The following LSAMP variants were observed in gnomAD, a reference collection of about 807,000 sequenced individuals.
The protein encoded by LSAMP is limbic system associated membrane protein, also known as limbic system-associated membrane protein.
Under a neutral mutation model 38.6 loss-of-function variants are expected in LSAMP, and 7 were observed. The observed-to-expected ratio is 0.18, with a 90% CI of 0.10 to 0.34. The LOEUF (loss-of-function observed/expected upper bound fraction) is 0.34. Ranked by LOEUF, LSAMP falls within the 10% of genes least tolerant of loss-of-function variation. The probability of loss-of-function intolerance (pLI) is 1.00; values close to 1 mark genes in which losing one functional copy is unlikely to be tolerated. For missense variants in LSAMP, 313 were observed against 420.0 expected (o/e 0.75, Z 2.23); for synonymous variants, 154 against 166.8 (o/e 0.92, Z 0.59).
At chr3:116,398,926 G>A (rs1392258116) in intron 1 of LSAMP, among the ~76,000 whole-genome samples, 1 of 152,168 alleles carries the variant, frequency 6.6e-6, no homozygotes, top group African/African-American at 2.4e-5. Context: ...TGGTGGGTTA[G>A]GGAAAGCTTT....
chr3:116,104,732 C>T (rs906341578), intron 1 of LSAMP, among the ~76,000 whole-genome samples: 1 of 152,150 alleles, frequency 6.6e-6, no homozygotes, highest in African/African-American at 2.4e-5. Context: ...TTGAGAAATG[C>T]AATTTCTCTT....
intron 1 of LSAMP, among the ~76,000 whole-genome samples, chr3:116,201,132 G>T (rs1273317665): frequency 2.0e-5 from 3 of 152,072 alleles, no homozygotes; most frequent in African/African-American, 7.2e-5. Context: ...GTCCCTCCCC[G>T]CTGTACCTCC....
At chr3:116,012,993 T>C (rs2107678358) in intron 3 of LSAMP, among the ~76,000 whole-genome samples, 1 of 152,358 alleles carries the variant, frequency 6.6e-6, no homozygotes, top group African/African-American at 2.4e-5. Flanking sequence ...TCTGTATTTC[T>C]GTTTTACTAG....
chr3:115,861,130 TTTCCTTCCTTCCTTCCTTCCTTCCTTCC>T (rs369018115), intron 3 of LSAMP, among the ~76,000 whole-genome samples: 4,450 of 64,626 alleles, frequency 0.069, 253 homozygotes, highest in African/African-American at 0.15. Context: ...TCCTTCTTTC[TTTCCTTCCTTCCTTCCTTCCTTCCTTCC>T]TTCCTTCCTT....
chr3:116,414,798 T>C (rs2049027710), intron 1 of LSAMP, among the ~76,000 whole-genome samples: 1 of 152,162 alleles, frequency 6.6e-6, no homozygotes, highest in African/African-American at 2.4e-5. Flanking sequence ...TAATTGTAAA[T>C]AATAGTGACA....
intron 1 of LSAMP, among the ~76,000 whole-genome samples, chr3:116,308,092 T>A (rs1213942743): frequency 6.6e-6 from 1 of 152,012 alleles, no homozygotes; most frequent in African/African-American, 2.4e-5. Flanking sequence ...AACAGAAACT[T>A]GCTCACGCTG....
intron 3 of LSAMP, among the ~76,000 whole-genome samples, chr3:115,993,123 T>A (rs1939719676): frequency 6.6e-6 from 1 of 152,150 alleles, no homozygotes; most frequent in African/African-American, 2.4e-5. Flanking sequence ...TGGTTAGTAT[T>A]ATTTGTAAGT....
Position 116,090,959 on chromosome 3 carries a change from G to A in LSAMP, c.156-4403C>T, listed in dbSNP as rs554138091. On this transcript the variant is annotated intron_variant, in intron 1 of 6. Coordinates refer to ENST00000490035, the MANE Select transcript of LSAMP (RefSeq NM_002338.5). The stretch of plus-strand genomic sequence containing the variant: ...CATTGATAACATCTTATCAGGAGAC[G>A]GGGTTTTGAGATCAACCGTCTGACC... 5.3e-5 allele frequency among the ~76,000 whole-genome samples: 8 copies of A among 152,228 alleles called. No homozygotes were observed. In the East Asian group the frequency reaches 7.7e-4, roughly 15 times the overall value.
intron 3 of LSAMP, among the ~76,000 whole-genome samples, chr3:116,001,193 A>T (rs556532694): frequency 1.3e-5 from 2 of 152,306 alleles, no homozygotes; most frequent in East Asian, 3.9e-4. Context: ...AAGAAAAGAA[A>T]AAAAGGAAAA....
intron 1 of LSAMP, among the ~76,000 whole-genome samples, chr3:116,389,600 T>A (rs2048666791): frequency 6.6e-6 from 1 of 152,154 alleles, no homozygotes; most frequent in African/African-American, 2.4e-5. Context: ...GATTTACTAA[T>A]GCACGGCAGG....
chr3:116,345,858 C>A (rs2048057882), intron 1 of LSAMP, among the ~76,000 whole-genome samples: 1 of 151,976 alleles, frequency 6.6e-6, no homozygotes. Flanking sequence ...AAAACCAAAA[C>A]AAATAAACAA....
chr3:116,323,174 T>C (rs1241197948), intron 1 of LSAMP, among the ~76,000 whole-genome samples: 2 of 152,152 alleles, frequency 1.3e-5, no homozygotes, highest in Non-Finnish European at 2.9e-5. Context: ...AGAGCAGGAA[T>C]GTGTTAATAT....
chr3:116,277,754 T>C (rs1282901202), intron 1 of LSAMP, among the ~76,000 whole-genome samples: 1 of 152,214 alleles, frequency 6.6e-6, no homozygotes, highest in African/African-American at 2.4e-5. Flanking sequence ...CAGAGCTGTT[T>C]AACGGTTACC....
chr3:115,960,993 A>G (rs1559897941), intron 3 of LSAMP, among the ~76,000 whole-genome samples: 1 of 152,242 alleles, frequency 6.6e-6, no homozygotes, highest in East Asian at 1.9e-4. Context: ...CACACGCCCA[A>G]CTTGACTGCT....
chr3:115,947,312 A>T (rs527266134), intron 3 of LSAMP, among the ~76,000 whole-genome samples: 1 of 152,314 alleles, frequency 6.6e-6, no homozygotes, highest in South Asian at 2.1e-4. Flanking sequence ...AGGCAAGAAA[A>T]ATAGTGAAAA....
chr3:116,007,498 C>T (rs1441011636), intron 3 of LSAMP, among the ~76,000 whole-genome samples: 2 of 152,074 alleles, frequency 1.3e-5, no homozygotes, highest in Admixed American at 1.3e-4. Context: ...GAAATGTGTG[C>T]ACATTTTAAG....
intron 1 of LSAMP, among the ~76,000 whole-genome samples, chr3:116,237,678 T>C (rs1409966866): frequency 6.6e-6 from 1 of 152,186 alleles, no homozygotes; most frequent in Non-Finnish European, 1.5e-5. Flanking sequence ...TTAGCCTTTG[T>C]ATATGAAGAA....
intron 1 of LSAMP, among the ~76,000 whole-genome samples, chr3:116,261,356 C>A (rs187970132): frequency 6.6e-6 from 1 of 152,252 alleles, no homozygotes; most frequent in Non-Finnish European, 1.5e-5. Flanking sequence ...TAAATAGGAG[C>A]TATAGGGTAC....
chr3:115,856,077 T>G (rs1043733093), intron 3 of LSAMP, among the ~76,000 whole-genome samples: 1 of 152,204 alleles, frequency 6.6e-6, no homozygotes, highest in Non-Finnish European at 1.5e-5. Flanking sequence ...AGCTCCAGAT[T>G]GTAAGTGTTG....
Sources: gnomAD v4.1 joint callset for allele counts (sites outside exome capture counted in the v4.1 genomes callset) on GRCh38, gnomAD v4.1.1 for gene constraint, MANE v1.5 for transcripts, NCBI Gene and HGNC (gene_info 2026-07-23, HGNC 2026-07-21) for gene names.